Variants in DICER1 observed in about 807,000 individuals in gnomAD.
The protein encoded by DICER1 is dicer 1, ribonuclease III.
DICER1 carries 43 observed loss-of-function variants against 194.1 expected under a neutral mutation model. The ratio of observed to expected loss-of-function variants is 0.22; its 90% confidence interval spans 0.17 to 0.29. The LOEUF (loss-of-function observed/expected upper bound fraction) is 0.29, where lower values mean the gene tolerates loss of function less well. DICER1 is among the 10% of genes least tolerant of loss of function. The pLI, the probability that DICER1 is intolerant of heterozygous loss-of-function variation, is 1.00. For missense variants in DICER1, 1,608 were observed against 2,317.0 expected (o/e 0.69, Z 6.28); for synonymous variants, 832 against 820.5 (o/e 1.01, Z -0.24).
chr14:95,104,190 C>G, intron 20 of DICER1, 64 bp from the exon 21 acceptor site: 2 of 1,344,564 alleles, frequency 1.5e-6, no homozygotes, highest in East Asian at 4.7e-5. Flanking sequence ...AGAGCAACAG[C>G]AATTTGAATT....
At chr14:95,147,547 GT>G (rs1040968291) in intron 1 of DICER1, among the ~76,000 whole-genome samples, 1 of 152,168 alleles carries the variant, frequency 6.6e-6, no homozygotes, top group Non-Finnish European at 1.5e-5. Flanking sequence ...CACACAAACT[GT>G]TTTTCCTTTG....
intron 11 of DICER1, among the ~76,000 whole-genome samples, chr14:95,114,539 A>G (rs1892266432): frequency 6.6e-6 from 1 of 152,242 alleles, no homozygotes; most frequent in Admixed American, 6.5e-5. Context: ...AGTAGCCATC[A>G]TAGTAATAAT....
chr14:95,104,062 T>C lies in DICER1; in HGVS notation c.3334A>G (p.Asn1112Asp), dbSNP rs587778229. ...IDSKSFISIS[N>D]SSSAENDNYC... ...TTATCATTTTCAGCTGAAGAGGAGTTAGAAATTGAGATGAAAGATTTGCTG... is the reference window on the plus strand; with the variant it reads ...TTATCATTTTCAGCTGAAGAGGAGTCAGAAATTGAGATGAAAGATTTGCTG... The change falls in exon 21 of 27, where the codon AAC becomes GAC. Residue 1112 changes from asparagine (N) to aspartate (D), a missense_variant. Physicochemically the swap from Asn to Asp is conservative, Grantham distance 23 (BLOSUM62 1). Transcript: ENST00000343455. The C allele has an allele frequency of 5.6e-5, 90 of 1,614,090 alleles. No homozygotes were observed. In the East Asian group the frequency reaches 2.0e-3, roughly 36 times the overall value.
At position 95,131,614 on chromosome 14, in the gene DICER1, T is replaced by C. The variant is rs878855257; in HGVS notation, c.333A>G (p.Ser111=). ...TGAGATCTGAATGAGTTCTGACAGC[T>C]GACACTTGTTGAGCAACCTGGTTTG... The part of the protein sequence containing the change: ...NSANQVAQQV[S]AVRTHSDLKV... Residue 111 remains serine, a synonymous_variant, in exon 4 of 27, where the codon TCA becomes TCG. Coordinates refer to ENST00000343455, the MANE Select transcript of DICER1 (RefSeq NM_177438.3). 2 of 1,613,832 alleles carry C rather than the reference T, an allele frequency of 1.2e-6. No individual in the cohort carries two copies.
intron 11 of DICER1, among the ~76,000 whole-genome samples, chr14:95,114,727 C>A (rs1442780083): frequency 6.6e-6 from 1 of 152,094 alleles, no homozygotes; most frequent in Non-Finnish European, 1.5e-5. Context: ...ATCTAAGTTA[C>A]CACCGGTAAG....
At position 95,090,252 on chromosome 14, in the gene DICER1, A is replaced by C. The variant is rs1889670121; in HGVS notation, c.*246T>G. ...TTAAAGCACTCTTGTGATTTAAACA[A>C]AGCAGAAGTGAGGAAAGAAGATAAG... On this transcript the variant is annotated 3_prime_UTR_variant, in exon 27 of 27. Transcript: ENST00000343455. 3.7e-6 allele frequency: 2 copies of C among 547,508 alleles called. No individual in the cohort carries two copies. Among genetic ancestry groups the C allele is most frequent in the Admixed American group, 3.2e-5 (1 of 31,742 alleles). The allele number at this position is 547,508 out of a possible 1,614,324, so 33.9% of individuals were successfully genotyped here.
At chr14:95,094,245 T>C (rs182072479) in intron 23 of DICER1, 89 bp from the exon 24 acceptor site, 42 of 1,493,064 alleles carry the variant, frequency 2.8e-5, no homozygotes, top group African/African-American at 1.9e-4. Context: ...CCGAAGAAGA[T>C]TTGTATTTAC....
chr14:95,125,614 A>G (rs1327609182), intron 7 of DICER1, among the ~76,000 whole-genome samples: 1 of 36,942 alleles, frequency 2.7e-5, no homozygotes, highest in Non-Finnish European at 5.1e-5. Context: ...GAGAGGGAGA[A>G]GGGGAGAGGA....
intron 1 of DICER1, among the ~76,000 whole-genome samples, chr14:95,138,994 TA>T (rs67050539): frequency 0.57 from 77,759 of 135,458 alleles, 22,990 homozygotes; most frequent in South Asian, 0.74. Flanking sequence ...AATAAAAAAA[TA>T]AAAAAAAAAA....
At chr14:95,106,006 A>G (rs1891385793) in intron 18 of DICER1, 35 bp downstream of exon 18, 2 of 1,607,362 alleles carry the variant, frequency 1.2e-6, no homozygotes, top group East Asian at 2.2e-5. Flanking sequence ...GAATCCCTCA[A>G]GTGCAATCCA....
chr14:95,153,785 A>C (rs1407202272), intron 1 of DICER1, among the ~76,000 whole-genome samples: 3 of 152,240 alleles, frequency 2.0e-5, no homozygotes, highest in Non-Finnish European at 2.9e-5. Flanking sequence ...CTATTAAATA[A>C]ATGTACTAAT....
chr14:95,116,171 C>A (rs1892447823), intron 10 of DICER1, among the ~76,000 whole-genome samples: 1 of 152,128 alleles, frequency 6.6e-6, no homozygotes. Context: ...CAGTTACTGT[C>A]CATATTTGCA....
At chr14:95,130,941 T>G (rs1364940748) in intron 4 of DICER1, among the ~76,000 whole-genome samples, 1 of 152,220 alleles carries the variant, frequency 6.6e-6, no homozygotes, top group African/African-American at 2.4e-5. Context: ...AAATAGGTCA[T>G]AGGAATTTGT....
chr14:95,096,170 AG>A lies in DICER1; in HGVS notation c.4749del (p.Cys1584ValfsTer5). 6.2e-7 allele frequency: 1 copy of A among 1,614,224 alleles called. No homozygotes were observed. Among genetic ancestry groups the A allele is most frequent in the Non-Finnish European group, 8.5e-7 (1 of 1,180,036 alleles). ...GGGAGCACCTTCAGCCCCAGTGAAC[AG>A]AGGAAAAGCTGAGCAGCCCTCTCCC... is the stretch of plus-strand genomic sequence containing the variant. ...SCGERAAQLFLCSLGLKVLPV... is the reference protein window; with the variant it reads ...SCGERAAQLFXCSLGLKVLPV... On this transcript the variant is annotated frameshift_variant, in exon 23 of 27. Transcript: ENST00000343455. LOFTEE classifies it high-confidence loss of function.
At chr14:95,118,889 C>T (rs933940368) in intron 8 of DICER1, among the ~76,000 whole-genome samples, 23 of 152,022 alleles carry the variant, frequency 1.5e-4, no homozygotes, top group Admixed American at 1.0e-3. Flanking sequence ...CGGCACAACA[C>T]TTGCGTGTCT....
At chr14:95,108,214 T>C (rs1452635489) in intron 15 of DICER1, 110 bp downstream of exon 15, 23 of 1,325,832 alleles carry the variant, frequency 1.7e-5, no homozygotes, top group Non-Finnish European at 2.4e-5. Flanking sequence ...CCTCGATCTT[T>C]AAATATTAAA....
intron 1 of DICER1, among the ~76,000 whole-genome samples, chr14:95,156,783 C>T (rs1895903970): frequency 6.6e-6 from 1 of 152,136 alleles, no homozygotes; most frequent in South Asian, 2.1e-4. Context: ...CCTCCGGGCG[C>T]GGCACAGCGG....
intron 22 of DICER1, among the ~76,000 whole-genome samples, chr14:95,097,704 C>CA (rs1009725542): frequency 2.0e-5 from 3 of 151,580 alleles, no homozygotes; most frequent in South Asian, 2.1e-4. Context: ...AGTGTTCTGA[C>CA]AAAAAAAAGT....
intron 1 of DICER1, among the ~76,000 whole-genome samples, chr14:95,136,413 G>C (rs753168052): frequency 6.6e-6 from 1 of 151,910 alleles, no homozygotes; most frequent in African/African-American, 2.4e-5. Flanking sequence ...AGAATCACTC[G>C]ATCACTCAGG....
Sources: gnomAD v4.1 joint callset for allele counts (sites outside exome capture counted in the v4.1 genomes callset) on GRCh38, gnomAD v4.1.1 for gene constraint, MANE v1.5 for transcripts, NCBI Gene and HGNC (gene_info 2026-07-23, HGNC 2026-07-21) for gene names.